The following BOK variants were observed in gnomAD, a reference collection of about 807,000 sequenced individuals.
BOK encodes bcl-2-related ovarian killer protein.
BOK carries 20 observed loss-of-function variants against 18.3 expected under a neutral mutation model. The ratio of observed to expected loss-of-function variants is 1.09; its 90% CI spans 0.77 to 1.59. BOK has a LOEUF of 1.59. Among genes scored for constraint, BOK ranks in the 40% most tolerant of loss-of-function variants. BOK has a pLI of 0.00. For missense variants in BOK, 348 were observed against 307.9 expected (o/e 1.13, Z -0.97); for synonymous variants, 173 against 142.4 (o/e 1.21, Z -1.53).
At chr2:241,557,522 G>A (rs1054904151), upstream of BOK, among the ~76,000 whole-genome samples, 2 of 151,820 alleles carry the variant, frequency 1.3e-5, no homozygotes, top group East Asian at 1.9e-4. Flanking sequence ...ATTTTGACCC[G>A]GCTGGTCTCA....
chr2:241,559,954 C>T (rs1376185334), intron 2 of BOK: 4 of 664,180 alleles, frequency 6.0e-6, no homozygotes, highest in East Asian at 2.7e-4. Context: ...CAATAGAAAG[C>T]TCCAGAAAGA....
intron 3 of BOK, among the ~76,000 whole-genome samples, chr2:241,564,704 CG>C (rs2066583489): frequency 6.6e-6 from 1 of 152,134 alleles, no homozygotes; most frequent in Non-Finnish European, 1.5e-5. Context: ...GGTGGGGCCC[CG>C]GAAGGAAGCC....
chr2:241,571,057 G>C, intron 4 of BOK, among the ~76,000 whole-genome samples: 1 of 138,524 alleles, frequency 7.2e-6, no homozygotes, highest in Non-Finnish European at 1.6e-5. Flanking sequence ...CGGATGGGTG[G>C]TCACCTGAGC....
chr2:241,556,491 G>A (rs2066451027), upstream of BOK, among the ~76,000 whole-genome samples: 1 of 136,558 alleles, frequency 7.3e-6, no homozygotes, highest in African/African-American at 2.8e-5. Flanking sequence ...GGCTGAGGCA[G>A]GAGAATCGCT....
At chr2:241,557,291 T>C (rs2066460041), upstream of BOK, among the ~76,000 whole-genome samples, 1 of 148,506 alleles carries the variant, frequency 6.7e-6, no homozygotes, top group Admixed American at 7.0e-5. Flanking sequence ...AGAGCAGTAA[T>C]TTTATTTTTC....
intron 4 of BOK, among the ~76,000 whole-genome samples, chr2:241,571,813 G>A (rs1215392553): frequency 1.3e-5 from 2 of 152,260 alleles, no homozygotes; most frequent in African/African-American, 4.8e-5. Flanking sequence ...TGGGCTTCCG[G>A]AAACGCAGTC....
chr2:241,572,402 G>C lies in BOK; in HGVS notation c.619G>C (p.Val207Leu). The C allele has an allele frequency of 6.2e-7, 1 of 1,600,214 alleles. No individual in the cohort carries two copies. The highest frequency in any genetic ancestry group is 8.5e-7 in the Non-Finnish European group (1 of 1,178,688). Residue 207 changes from valine to leucine, a missense_variant, in exon 5 of 5, where the codon GTG becomes CTG. Coordinates refer to ENST00000318407, the MANE Select transcript of BOK (RefSeq NM_032515.5). ...FGRFLKAAFFVLLPER is the reference protein window; with the variant it reads ...FGRFLKAAFFLLLPER ...CCGCTTCCTGAAGGCTGCCTTCTTC[G>C]TGCTGCTGCCAGAGAGATGAGCTGC...
chr2:241,562,346 A>G lies in BOK; in HGVS notation c.221-2A>G. ...CTCTCACCTGCTCTTGTGACCACACAGGCGATGAGCTGGAGATGATCCGGC... is the reference window on the plus strand; with the variant it reads ...CTCTCACCTGCTCTTGTGACCACACGGGCGATGAGCTGGAGATGATCCGGC... On this transcript the variant is annotated splice_acceptor_variant, in intron 2 of 4. Transcript: ENST00000318407. LOFTEE classifies it high-confidence loss of function. This position sits in a 1 kb window ranked among gnomAD's most constrained non-coding sequence, Gnocchi z 4.5. 2.5e-6 allele frequency: 4 copies of G among 1,596,728 alleles called. No individual in the cohort carries two copies. Among genetic ancestry groups the G allele is most frequent in the Non-Finnish European group, 3.4e-6 (4 of 1,172,562 alleles).
At chr2:241,558,054 G>GACAGACACACACACAC (rs2066467944), upstream of BOK, among the ~76,000 whole-genome samples, 2 of 143,244 alleles carry the variant, frequency 1.4e-5, no homozygotes, top group African/African-American at 5.3e-5. Context: ...AGAGTTCCGA[G>GACAGACACACACACAC]ACACACACAC....
chr2:241,560,588 C>A (rs951481373), intron 2 of BOK, among the ~76,000 whole-genome samples: 1 of 152,158 alleles, frequency 6.6e-6, no homozygotes, highest in Non-Finnish European at 1.5e-5. Flanking sequence ...TAGACCTGGC[C>A]TGCCCAGGAG....
At chr2:241,553,040 C>T (rs1337333423) in intron 1 of BOK, among the ~76,000 whole-genome samples, 1 of 152,258 alleles carries the variant, frequency 6.6e-6, no homozygotes, top group Non-Finnish European at 1.5e-5. Context: ...AGGTGGCCGG[C>T]ACAAAGTCCA....
chr2:241,567,917 G>A (rs865899383), intron 3 of BOK, among the ~76,000 whole-genome samples: 1 of 77,278 alleles, frequency 1.3e-5, no homozygotes, highest in South Asian at 4.8e-4. Flanking sequence ...CAGAATGCCT[G>A]TGCCCGTGGC....
intron 2 of BOK, among the ~76,000 whole-genome samples, chr2:241,560,775 C>T (rs913550609): frequency 6.6e-6 from 1 of 152,116 alleles, no homozygotes; most frequent in Non-Finnish European, 1.5e-5. Context: ...CTGAGAATGA[C>T]CCTAGGGGAT....
intron 4 of BOK, 63 bp downstream of exon 4, chr2:241,570,351 G>T: frequency 6.7e-7 from 1 of 1,499,120 alleles, no homozygotes; most frequent in Non-Finnish European, 8.9e-7. Flanking sequence ...AGGTACAGGA[G>T]GGAGTGGTGG....
At chr2:241,555,258 G>C (rs754582929), upstream of BOK, among the ~76,000 whole-genome samples, 10 of 152,076 alleles carry the variant, frequency 6.6e-5, no homozygotes, top group Admixed American at 2.0e-4. Context: ...GCTATTCACA[G>C]GCACTACAGC....
upstream of BOK, among the ~76,000 whole-genome samples, chr2:241,554,931 A>G (rs901321317): frequency 1.3e-5 from 2 of 152,184 alleles, no homozygotes; most frequent in Admixed American, 1.3e-4. Context: ...TGGGGCAGAG[A>G]GAGGAGTCAG....
chr2:241,563,552 C>G (rs1179251602), intron 3 of BOK, among the ~76,000 whole-genome samples: 1 of 152,244 alleles, frequency 6.6e-6, no homozygotes, highest in African/African-American at 2.4e-5. Context: ...GCAGGATTCC[C>G]TGAAGCTTGG....
At chr2:241,557,808 TTC>T (rs2066464914), upstream of BOK, among the ~76,000 whole-genome samples, 2 of 152,224 alleles carry the variant, frequency 1.3e-5, no homozygotes, top group East Asian at 3.8e-4. Flanking sequence ...CCAGTAATTT[TTC>T]TGTTATTGAC....
At chr2:241,553,122 G>GTT (rs2066426273) in intron 1 of BOK, among the ~76,000 whole-genome samples, 3 of 146,244 alleles carry the variant, frequency 2.1e-5, no homozygotes, top group Non-Finnish European at 3.0e-5. Context: ...CCCCCGGCAT[G>GTT]GCATCCCCAG....
Sources: gnomAD v4.1 joint callset for allele counts (sites outside exome capture counted in the v4.1 genomes callset) on GRCh38, gnomAD v4.1.1 for gene constraint, Gnocchi (gnomAD v3.1) non-coding constraint, MANE v1.5 for transcripts, NCBI Gene and HGNC (gene_info 2026-07-23, HGNC 2026-07-21) for gene names.